Variants in WNT2B observed in about 807,000 individuals in gnomAD.
WNT2B encodes Wnt family member 2B.
A neutral mutation model predicts 40.5 loss-of-function variants in WNT2B; 19 were observed. That is an observed-to-expected ratio of 0.47 (90% CI 0.33 to 0.69). The LOEUF (loss-of-function observed/expected upper bound fraction) is 0.69. Ranked by LOEUF, WNT2B falls within the 30% of genes least tolerant of loss-of-function variation. The pLI is 0.02. For missense variants in WNT2B, 467 were observed against 556.4 expected (o/e 0.84, Z 1.62); for synonymous variants, 220 against 211.9 (o/e 1.04, Z -0.33).
chr1:112,509,072 C>A lies in WNT2B; in HGVS notation c.-191C>A. On this transcript the variant is annotated 5_prime_UTR_variant, in exon 1 of 5. Coordinates refer to ENST00000369684, the MANE Select transcript of WNT2B (RefSeq NM_024494.3). The surrounding 1 kb of genome is among the most constrained non-coding windows in gnomAD (Gnocchi z 4.2). ...GGGTTCGGCACGCCGTCGTCGGCTTCCGGACATCGCAACTTGCGCCCCTCT... is the reference window on the plus strand; with the variant it reads ...GGGTTCGGCACGCCGTCGTCGGCTTACGGACATCGCAACTTGCGCCCCTCT... 7.4e-7 allele frequency: 1 copy of A among 1,351,768 alleles called. No individual in the cohort carries two copies. Among genetic ancestry groups the A allele is most frequent in the Non-Finnish European group, 9.4e-7 (1 of 1,061,164 alleles). The allele number at this position is 1,351,768 out of a possible 1,614,324, so 83.7% of individuals were successfully genotyped here. A position where few individuals can be genotyped will look rare whatever the true frequency, so the allele number is the denominator to read the frequency against.
intron 1 of WNT2B, among the ~76,000 whole-genome samples, chr1:112,502,144 C>G (rs1364876350): frequency 6.6e-6 from 1 of 152,212 alleles, no homozygotes; most frequent in African/African-American, 2.4e-5. Flanking sequence ...CTCTCCCGGG[C>G]TACTCCGGCG....
At chr1:112,476,309 A>G (rs1651052233) in intron 1 of WNT2B, among the ~76,000 whole-genome samples, 1 of 152,216 alleles carries the variant, frequency 6.6e-6, no homozygotes, top group African/African-American at 2.4e-5. Context: ...AGAGAAATTT[A>G]TAACACTAAA....
At position 112,525,822 on chromosome 1, in the gene WNT2B, CT is replaced by C; in HGVS notation, c.*5318del. Reference sequence around the variant, plus strand: ...GAAGACAATTTCATCTACAGTTGTCCTTTTTGACAGCTTCCAAGGGGGGTTT... The same window carrying C: ...GAAGACAATTTCATCTACAGTTGTCCTTTTGACAGCTTCCAAGGGGGGTTT... On this transcript the variant is annotated 3_prime_UTR_variant, in exon 5 of 5. Transcript: ENST00000369684. 1.5e-6 allele frequency: 1 copy of C among 683,816 alleles called. No homozygotes were observed. The highest frequency in any genetic ancestry group is 2.2e-6 in the Non-Finnish European group (1 of 447,272). The allele number at this position is 683,816 out of a possible 1,614,324, so 42.4% of individuals were successfully genotyped here.
intron 1 of WNT2B, among the ~76,000 whole-genome samples, chr1:112,484,848 C>T (rs1357974218): frequency 1.3e-5 from 2 of 151,766 alleles, no homozygotes; most frequent in Non-Finnish European, 2.9e-5. Flanking sequence ...AGATATCTGA[C>T]AGGAGATGTG....
chr1:112,480,997 C>T (rs1030323254), intron 1 of WNT2B, among the ~76,000 whole-genome samples: 7 of 151,930 alleles, frequency 4.6e-5, no homozygotes, highest in African/African-American at 1.7e-4. Flanking sequence ...GGAGAAACCC[C>T]GTCTCTACTA....
intron 1 of WNT2B, among the ~76,000 whole-genome samples, chr1:112,511,566 C>T (rs1239274007): frequency 6.6e-6 from 1 of 152,186 alleles, no homozygotes; most frequent in Non-Finnish European, 1.5e-5. Flanking sequence ...GAGCAGAAGG[C>T]CATCATTTTC....
chr1:112,518,722 A>T (rs113663729), intron 4 of WNT2B, among the ~76,000 whole-genome samples: 13 of 152,120 alleles, frequency 8.5e-5, no homozygotes, highest in Non-Finnish European at 5.9e-5. Context: ...GGATAAGTCA[A>T]ATGTGTGTTC....
intron 1 of WNT2B, among the ~76,000 whole-genome samples, chr1:112,495,355 T>C (rs1651727226): frequency 6.6e-6 from 1 of 151,876 alleles, no homozygotes; most frequent in South Asian, 2.1e-4. Context: ...GGTGGGCAGA[T>C]CACGAGGTCA....
chr1:112,468,607 A>C (rs550392391), intron 1 of WNT2B, among the ~76,000 whole-genome samples: 42 of 152,210 alleles, frequency 2.8e-4, no homozygotes, highest in African/African-American at 1.0e-3. Context: ...TCATTTGAGA[A>C]ATGTCTATTC....
rs566606957 is a variant in WNT2B, at chr1:112,498,231, A to G, written c.-94-16643A>G. ...AGCTGCATCCATGTCCCTGTAAAGG[A>G]CATGATCTCATTCCTTTTTTTTTTT... On this transcript the variant is annotated intron_variant, in intron 1 of 4. Coordinates refer to the WNT2B transcript ENST00000256640. 2.6e-5 allele frequency among the ~76,000 whole-genome samples: 4 copies of G among 151,598 alleles called. No individual in the cohort carries two copies. The South Asian group carries it at 8.3e-4, about 32-fold the overall frequency.
chr1:112,482,400 A>G (rs1651255854), intron 1 of WNT2B, among the ~76,000 whole-genome samples: 2 of 152,310 alleles, frequency 1.3e-5, no homozygotes, highest in South Asian at 2.1e-4. Flanking sequence ...CAGTGATGTT[A>G]TCATAGCTCA....
chr1:112,466,601 C>T (rs1331777312), exon 1 of WNT2B: 1 of 152,130 alleles, frequency 6.6e-6, no homozygotes, highest in Non-Finnish European at 1.5e-5. Context: ...AAATTTAAGA[C>T]TTAAAACTGG....
Position 112,520,683 on chromosome 1 carries a change from G to C in WNT2B, c.*174G>C, listed in dbSNP as rs1412307222. ...GTCCTGGCTGGTTCCTTAGCCCTGG[G>C]AAGGAGTTGTCAGGGGATATAAGAA... On this transcript the variant is annotated 3_prime_UTR_variant, in exon 5 of 5. Coordinates refer to ENST00000369684, the MANE Select transcript of WNT2B (RefSeq NM_024494.3). The C allele has an allele frequency of 1.5e-6, 1 of 675,840 alleles. No individual in the cohort carries two copies. The highest frequency in any genetic ancestry group is 2.8e-5 in the Admixed American group (1 of 35,196). The allele number at this position is 675,840 out of a possible 1,614,324, so 41.9% of individuals were successfully genotyped here.
At chr1:112,506,931 A>C (rs1374584217), upstream of WNT2B, among the ~76,000 whole-genome samples, 1 of 152,178 alleles carries the variant, frequency 6.6e-6, no homozygotes, top group Non-Finnish European at 1.5e-5. Context: ...AGTGGGGAGC[A>C]CTGCCTCCCA....
At chr1:112,500,244 C>T (rs1651907229) in intron 1 of WNT2B, among the ~76,000 whole-genome samples, 1 of 152,094 alleles carries the variant, frequency 6.6e-6, no homozygotes, top group Non-Finnish European at 1.5e-5. Context: ...ATTATCACAC[C>T]AGACTGAATG....
At chr1:112,508,060 G>C (rs1015736053), upstream of WNT2B, among the ~76,000 whole-genome samples, 1 of 152,066 alleles carries the variant, frequency 6.6e-6, no homozygotes, top group African/African-American at 2.4e-5. This position sits in a 1 kb window ranked among gnomAD's most constrained non-coding sequence, Gnocchi z 4.2. Context: ...GGAGCAGTGG[G>C]GAGGAGGCAG....
At chr1:112,468,211 G>T (rs1484381945) in intron 1 of WNT2B, among the ~76,000 whole-genome samples, 1 of 152,104 alleles carries the variant, frequency 6.6e-6, no homozygotes, top group African/African-American at 2.4e-5. Flanking sequence ...TTCATCCGTT[G>T]ATGGACACTT....
chr1:112,523,473 C>T lies in WNT2B; in HGVS notation c.*2964C>T, dbSNP rs1652992186. Reference sequence around the variant, plus strand: ...CTTGCTTCTGCATTGATTGGCTTTACACAACTGGCATTTAGTCTGCATTAC... The same window carrying T: ...CTTGCTTCTGCATTGATTGGCTTTATACAACTGGCATTTAGTCTGCATTAC... On this transcript the variant is annotated 3_prime_UTR_variant, in exon 5 of 5. Transcript: ENST00000369684. The T allele has an allele frequency of 1.3e-5, 2 of 152,184 alleles. No homozygotes were observed. The highest frequency in any genetic ancestry group is 4.8e-5 in the African/African-American group (2 of 41,432). The allele number at this position is 152,184 out of a possible 1,614,324, so 9.4% of individuals were successfully genotyped here.
At position 112,509,074 on chromosome 1, in the gene WNT2B, G is replaced by A; in HGVS notation, c.-189G>A. The A allele has an allele frequency of 7.4e-7, 1 of 1,349,512 alleles. No homozygotes were observed. Among genetic ancestry groups the A allele is most frequent in the Non-Finnish European group, 9.4e-7 (1 of 1,059,808 alleles). The allele number at this position is 1,349,512 out of a possible 1,614,324, so 83.6% of individuals were successfully genotyped here. On this transcript the variant is annotated 5_prime_UTR_variant, in exon 1 of 5. Transcript: ENST00000369684. This position sits in a 1 kb window ranked among gnomAD's most constrained non-coding sequence, Gnocchi z 4.2. ...GTTCGGCACGCCGTCGTCGGCTTCC[G>A]GACATCGCAACTTGCGCCCCTCTCG...
Sources: gnomAD v4.1 joint callset for allele counts (sites outside exome capture counted in the v4.1 genomes callset) on GRCh38, gnomAD v4.1.1 for gene constraint, Gnocchi (gnomAD v3.1) non-coding constraint, MANE v1.5 for transcripts, NCBI Gene and HGNC (gene_info 2026-07-23, HGNC 2026-07-21) for gene names.